The following PTPRE variants were observed in gnomAD, a reference collection of about 807,000 sequenced individuals.
The protein encoded by PTPRE is protein tyrosine phosphatase receptor type E.
A neutral mutation model predicts 102.0 loss-of-function variants in PTPRE; 51 were observed. That is an observed-to-expected ratio of 0.50 (90% CI 0.40 to 0.63). PTPRE has a LOEUF of 0.63. PTPRE is among the 30% of genes least tolerant of loss of function. The pLI, the probability that PTPRE is intolerant of heterozygous loss-of-function variation, is 0.00. For missense variants in PTPRE, 752 were observed against 915.1 expected (o/e 0.82, Z 2.30); for synonymous variants, 345 against 348.2 (o/e 0.99, Z 0.10).
intron 2 of PTPRE, among the ~76,000 whole-genome samples, chr10:128,020,049 C>G (rs1463088970): frequency 1.0e-5 from 1 of 97,414 alleles, no homozygotes; most frequent in Non-Finnish European, 2.3e-5. Flanking sequence ...TGTGTGTGCA[C>G]GCGCGCACGT....
At chr10:128,062,942 G>A in intron 9 of PTPRE, 141 bp from the exon 10 acceptor site, 2 of 1,441,698 alleles carry the variant, frequency 1.4e-6, no homozygotes, top group Non-Finnish European at 1.8e-6. Context: ...GAACGCTTCA[G>A]GGCATGACGT....
chr10:127,944,544 A>C lies in PTPRE; in HGVS notation c.-31+37235A>C, dbSNP rs1384233130. 2.0e-5 allele frequency among the ~76,000 whole-genome samples: 3 copies of C among 151,934 alleles called. No homozygotes were observed. Among genetic ancestry groups the C allele is most frequent in the African/African-American group, 7.3e-5 (3 of 41,304 alleles). On this transcript the variant is annotated intron_variant, in intron 1 of 20. Transcript: ENST00000254667. The surrounding 1 kb of genome is among the most constrained non-coding windows in gnomAD (Gnocchi z 4.2). ...GATGGATGGATAAATGGATGGATGG[A>C]TAAGTGGATGGATGGATGGGTGGAT...
At chr10:128,072,914 G>A (rs1476279070) in intron 16 of PTPRE, among the ~76,000 whole-genome samples, 2 of 152,298 alleles carry the variant, frequency 1.3e-5, no homozygotes, top group East Asian at 1.9e-4. Context: ...AGTGGAGTTC[G>A]CAGAAGAAGG....
intron 1 of PTPRE, among the ~76,000 whole-genome samples, chr10:127,980,415 A>G (rs1851517198): frequency 6.6e-6 from 1 of 151,548 alleles, no homozygotes; most frequent in East Asian, 1.9e-4. Flanking sequence ...CTATTTTTGA[A>G]TCCTTTGGGA....
chr10:127,937,356 A>G (rs1000970483), intron 1 of PTPRE, among the ~76,000 whole-genome samples: 2 of 152,118 alleles, frequency 1.3e-5, no homozygotes, highest in African/African-American at 4.8e-5. Context: ...GTGATTTGCA[A>G]CTCCACACTT....
chr10:128,045,216 A>C (rs1003471704), intron 3 of PTPRE, among the ~76,000 whole-genome samples: 3 of 152,236 alleles, frequency 2.0e-5, no homozygotes, highest in African/African-American at 7.2e-5. Flanking sequence ...GCCCGTGTGC[A>C]CGGCCCCTTT....
intron 3 of PTPRE, among the ~76,000 whole-genome samples, chr10:128,043,927 G>A (rs995584426): frequency 1.3e-5 from 2 of 152,116 alleles, no homozygotes; most frequent in African/African-American, 4.8e-5. Context: ...TGGCTATATG[G>A]GGACGTGTCT....
Position 127,907,227 on chromosome 10 carries a change from C to T in PTPRE, c.-113C>T, listed in dbSNP as rs1261283670. 13 of 983,744 alleles carry T rather than the reference C, an allele frequency of 1.3e-5. No homozygotes were observed. The highest frequency in any genetic ancestry group is 1.4e-5 in the Non-Finnish European group (12 of 829,006). The allele number at this position is 983,744 out of a possible 1,614,324, so 60.9% of individuals were successfully genotyped here. A position where few individuals can be genotyped will look rare whatever the true frequency, so the allele number is the denominator to read the frequency against. On this transcript the variant is annotated 5_prime_UTR_variant, in exon 1 of 21. Transcript: ENST00000254667. The surrounding 1 kb of genome is among the most constrained non-coding windows in gnomAD (Gnocchi z 4.8). ...GCGCCCGGCGAAGACAGCCGGGCGC[C>T]CCGGAGGGCGGCGGGCAGGCGCCCG... is the stretch of plus-strand genomic sequence containing the variant.
chr10:128,031,884 TTC>T (rs779561304), intron 2 of PTPRE, among the ~76,000 whole-genome samples: 20 of 152,152 alleles, frequency 1.3e-4, no homozygotes, highest in Admixed American at 2.6e-4. Context: ...ACGCCACCCC[TTC>T]TCTCTGCATT....
chr10:128,022,434 C>G (rs138288193), intron 2 of PTPRE, among the ~76,000 whole-genome samples: 1 of 152,222 alleles, frequency 6.6e-6, no homozygotes, highest in African/African-American at 2.4e-5. Context: ...TTGTGAAGCT[C>G]GGGTCCAGAA....
chr10:127,927,218 C>T (rs1847095780), intron 1 of PTPRE, among the ~76,000 whole-genome samples: 1 of 152,118 alleles, frequency 6.6e-6, no homozygotes. Context: ...TCTCGCTCAC[C>T]ATTAGGGAGA....
Position 127,932,431 on chromosome 10 carries a change from G to A in PTPRE, c.-31+25122G>A, listed in dbSNP as rs74682674. 9.2e-3 allele frequency among the ~76,000 whole-genome samples: 1,399 copies of A among 152,322 alleles called. 40 individuals are homozygous for A. Among genetic ancestry groups the A allele is most frequent in the Non-Finnish European group, 7.5e-3 (508 of 68,028 alleles). ...AAAAAAAGATTGTTCCCTTCCATAT[G>A]TGTACAGTTCTTCTGGGGAAATGAA... is the stretch of plus-strand genomic sequence containing the variant. On this transcript the variant is annotated intron_variant, in intron 1 of 20. Transcript: ENST00000254667.
chr10:128,005,879 C>T (rs1443063395), intron 2 of PTPRE, among the ~76,000 whole-genome samples: 1 of 152,154 alleles, frequency 6.6e-6, no homozygotes, highest in East Asian at 1.9e-4. Flanking sequence ...TTCCCTCCTC[C>T]AGAGTCCATT....
At chr10:127,992,992 G>C (rs950418007) in intron 2 of PTPRE, among the ~76,000 whole-genome samples, 1 of 152,128 alleles carries the variant, frequency 6.6e-6, no homozygotes, top group African/African-American at 2.4e-5. Context: ...TTTTTAATGT[G>C]TCTGCTGTGT....
Position 127,944,038 on chromosome 10 carries a change from C to T in PTPRE, c.-31+36729C>T, listed in dbSNP as rs1471766776. On this transcript the variant is annotated intron_variant, in intron 1 of 20. Transcript: ENST00000254667. This position sits in a 1 kb window ranked among gnomAD's most constrained non-coding sequence, Gnocchi z 4.2. ...GTGGGGCATTTGTGCACGACAGAACCTAAGGGCACACAAAGTTGCTCCTGT... is the reference window on the plus strand; with the variant it reads ...GTGGGGCATTTGTGCACGACAGAACTTAAGGGCACACAAAGTTGCTCCTGT... 1.3e-5 allele frequency among the ~76,000 whole-genome samples: 2 copies of T among 152,274 alleles called. No individual in the cohort carries two copies. The highest frequency in any genetic ancestry group is 4.8e-5 in the African/African-American group (2 of 41,550).
chr10:127,975,335 G>A (rs780086605), intron 1 of PTPRE, among the ~76,000 whole-genome samples: 40 of 152,248 alleles, frequency 2.6e-4, no homozygotes, highest in South Asian at 6.2e-4. Context: ...CTTCTTATCC[G>A]TGCCAATCTC....
At chr10:127,945,917 T>A (rs1378355022) in intron 1 of PTPRE, among the ~76,000 whole-genome samples, 1 of 152,090 alleles carries the variant, frequency 6.6e-6, no homozygotes, top group East Asian at 1.9e-4. Context: ...AGGTTGTAAA[T>A]CACCATTTCA....
In PTPRE at chr10:127,992,737, G is replaced by GC. The variant is rs530742478; in HGVS notation, c.-8+10444dup. On this transcript the variant is annotated intron_variant, in intron 2 of 20. Transcript: ENST00000254667. ...CTAAAATCCAAATACAGCATCAGGA[G>GC]CCCAAATACCTGGTTAGAATCCAAG... Among the ~76,000 whole-genome samples, 18 of 152,304 alleles carry GC rather than the reference G, an allele frequency of 1.2e-4. No individual in the cohort carries two copies. The East Asian group carries it at 3.5e-3, about 29-fold the overall frequency.
chr10:127,939,738 T>C (rs556631611), intron 1 of PTPRE, among the ~76,000 whole-genome samples: 2 of 151,714 alleles, frequency 1.3e-5, no homozygotes, highest in African/African-American at 4.9e-5. Context: ...AAGGAAGAGA[T>C]AGGCTCTGGA....
Sources: allele counts gnomAD v4.1 joint callset (sites outside exome capture counted in the v4.1 genomes callset), GRCh38; gene constraint gnomAD v4.1.1; non-coding constraint Gnocchi (gnomAD v3.1); transcripts MANE v1.5; gene names NCBI Gene and HGNC (gene_info 2026-07-23, HGNC 2026-07-21).